The following CSMD3 variants were observed in gnomAD, a reference collection of about 807,000 sequenced individuals.
The protein encoded by CSMD3 is CUB and Sushi multiple domains 3.
A neutral mutation model predicts 435.2 loss-of-function variants in CSMD3; 177 were observed. The ratio of observed to expected loss-of-function variants is 0.41; its 90% CI spans 0.36 to 0.46. The LOEUF (loss-of-function observed/expected upper bound fraction) is 0.46, where lower values mean the gene tolerates loss of function less well. Among genes scored for constraint, CSMD3 ranks in the 20% least tolerant of loss-of-function variants. The pLI is 0.34. For missense variants in CSMD3, 4,265 were observed against 4,504.6 expected (o/e 0.95, Z 1.52); for synonymous variants, 1,656 against 1,520.5 (o/e 1.09, Z -2.07).
chr8:112,652,339 C>A (rs1287408418), intron 18 of CSMD3, among the ~76,000 whole-genome samples: 2 of 152,082 alleles, frequency 1.3e-5, no homozygotes, highest in Non-Finnish European at 2.9e-5. Context: ...GTTTCAATTT[C>A]CCCCAATGTT....
At chr8:113,383,064 G>A (rs1327306410) in intron 1 of CSMD3, among the ~76,000 whole-genome samples, 1 of 152,140 alleles carries the variant, frequency 6.6e-6, no homozygotes, top group Non-Finnish European at 1.5e-5. Context: ...TTAAGGAAAT[G>A]AGAAAATCTG....
At chr8:113,111,683 T>C (rs768571655) in intron 4 of CSMD3, among the ~76,000 whole-genome samples, 3 of 152,066 alleles carry the variant, frequency 2.0e-5, no homozygotes, top group Non-Finnish European at 2.9e-5. Flanking sequence ...ATTTATGTAT[T>C]TATTTATTTA....
chr8:113,377,034 TG>T (rs1295477273), intron 1 of CSMD3: 11 of 105,980 alleles, frequency 1.0e-4, no homozygotes, highest in Non-Finnish European at 1.3e-4. Context: ...GGGGTGGGGG[TG>T]GGGCGGAGCG....
At chr8:112,683,187 T>G (rs2131790855) in intron 15 of CSMD3, among the ~76,000 whole-genome samples, 1 of 152,120 alleles carries the variant, frequency 6.6e-6, no homozygotes, top group Admixed American at 6.5e-5. Flanking sequence ...GGAAGAGAGT[T>G]AATTCTTTCG....
intron 13 of CSMD3, among the ~76,000 whole-genome samples, chr8:112,695,383 T>A (rs1201559148): frequency 6.6e-6 from 1 of 152,168 alleles, no homozygotes; most frequent in African/African-American, 2.4e-5. Flanking sequence ...CCAAACAATA[T>A]GTTTTAGAGA....
At chr8:112,910,418 G>C (rs1406818545) in intron 10 of CSMD3, among the ~76,000 whole-genome samples, 1 of 151,710 alleles carries the variant, frequency 6.6e-6, no homozygotes, top group African/African-American at 2.4e-5. Context: ...AGGGGTAGAG[G>C]GTTCTGCCAT....
chr8:112,235,560 T>C (rs977891392), intron 67 of CSMD3, among the ~76,000 whole-genome samples: 2 of 143,628 alleles, frequency 1.4e-5, no homozygotes, highest in African/African-American at 5.4e-5. Context: ...GTAAGTGTTC[T>C]AAGGGTAGCT....
chr8:113,354,852 T>A (rs1484575183), intron 1 of CSMD3, among the ~76,000 whole-genome samples: 2 of 152,086 alleles, frequency 1.3e-5, no homozygotes, highest in Non-Finnish European at 2.9e-5. Context: ...TTGCCAAAGC[T>A]GGTTTTGAAC....
intron 13 of CSMD3, among the ~76,000 whole-genome samples, chr8:112,752,900 CGTGTGTGT>C (rs10617885): frequency 0.017 from 2,489 of 146,562 alleles, 47 homozygotes; most frequent in African/African-American, 0.044. Context: ...TTTGTTACCG[CGTGTGTGT>C]GTGTGTGTGT....
chr8:112,480,780 T>C (rs1352739237), intron 31 of CSMD3, among the ~76,000 whole-genome samples: 1 of 152,176 alleles, frequency 6.6e-6, no homozygotes, highest in Non-Finnish European at 1.5e-5. Context: ...ACCTCTTTTC[T>C]TCCTAAATTA....
At chr8:112,747,759 A>T (rs944177180) in intron 13 of CSMD3, among the ~76,000 whole-genome samples, 3 of 151,902 alleles carry the variant, frequency 2.0e-5, no homozygotes, top group African/African-American at 4.8e-5. Context: ...GCGGATCACG[A>T]GGTCAGGAGA....
At chr8:112,425,423 A>G (rs906987910) in intron 32 of CSMD3, among the ~76,000 whole-genome samples, 2 of 152,138 alleles carry the variant, frequency 1.3e-5, no homozygotes, top group Admixed American at 6.5e-5. Context: ...AAGGAAGCCT[A>G]TTGTCTTTCT....
intron 3 of CSMD3, among the ~76,000 whole-genome samples, chr8:113,238,312 G>T (rs1017804542): frequency 6.6e-6 from 1 of 152,046 alleles, no homozygotes; most frequent in Non-Finnish European, 1.5e-5. Flanking sequence ...GGGGCCAGCG[G>T]CTTTGCTTCA....
intron 59 of CSMD3, among the ~76,000 whole-genome samples, chr8:112,275,547 CA>C (rs1817966730): frequency 6.6e-6 from 1 of 151,836 alleles, no homozygotes; most frequent in South Asian, 2.1e-4. Flanking sequence ...AACTCCATCT[CA>C]AAAAGAATAA....
chr8:112,426,008 C>A (rs957706597), intron 32 of CSMD3, among the ~76,000 whole-genome samples: 2 of 152,032 alleles, frequency 1.3e-5, no homozygotes, highest in Admixed American at 1.3e-4. Flanking sequence ...AATTCCATCA[C>A]TGAAATAAGT....
chr8:112,979,289 G>C (rs2084962005), intron 6 of CSMD3, among the ~76,000 whole-genome samples: 1 of 151,748 alleles, frequency 6.6e-6, no homozygotes, highest in South Asian at 2.1e-4. Context: ...GATACATATA[G>C]TGGAACTATA....
chr8:112,550,944 G>T, intron 26 of CSMD3, 71 bp from the exon 27 acceptor site: 1 of 1,072,780 alleles, frequency 9.3e-7, no homozygotes, highest in Non-Finnish European at 1.4e-6. Flanking sequence ...TAGAACAAAT[G>T]TGCATTATGC....
At chr8:113,135,979 C>G (rs1416397680) in intron 4 of CSMD3, among the ~76,000 whole-genome samples, 1 of 151,680 alleles carries the variant, frequency 6.6e-6, no homozygotes, top group African/African-American at 2.4e-5. Flanking sequence ...TTTTTAGTGT[C>G]AAAAATATAT....
chr8:112,570,976 T>C (rs1829462844), intron 24 of CSMD3, among the ~76,000 whole-genome samples: 1 of 152,164 alleles, frequency 6.6e-6, no homozygotes, highest in Admixed American at 6.6e-5. Flanking sequence ...AACATACATT[T>C]CCTTTAATGG....
Sources: allele counts gnomAD v4.1 joint callset (sites outside exome capture counted in the v4.1 genomes callset), GRCh38; gene constraint gnomAD v4.1.1; transcripts MANE v1.5; gene names NCBI Gene and HGNC (gene_info 2026-07-23, HGNC 2026-07-21).